Variants in SGCE observed in about 807,000 individuals in gnomAD.
SGCE encodes the protein sarcoglycan epsilon.
Under a neutral mutation model 57.8 loss-of-function variants are expected in SGCE, and 26 were observed. That is an observed-to-expected ratio of 0.45 (90% confidence interval 0.33 to 0.62). The LOEUF (loss-of-function observed/expected upper bound fraction) is 0.62. Among genes scored for constraint, SGCE ranks in the 20% least tolerant of loss-of-function variants. SGCE has a pLI of 0.02. For synonymous variants in SGCE, 183 were observed against 189.5 expected (o/e 0.97, Z 0.28); for missense variants, 468 against 548.6 (o/e 0.85, Z 1.47).
At chr7:94,614,060 C>G (rs1377726657) in intron 5 of SGCE, among the ~76,000 whole-genome samples, 1 of 138,188 alleles carries the variant, frequency 7.2e-6, no homozygotes, top group Admixed American at 7.8e-5. Flanking sequence ...TCTTGCAAGC[C>G]AGAGCACTGC....
intron 6 of SGCE, among the ~76,000 whole-genome samples, chr7:94,602,779 AT>A (rs1475119304): frequency 2.6e-5 from 4 of 152,154 alleles, no homozygotes; most frequent in African/African-American, 9.7e-5. Flanking sequence ...AAGAAATATT[AT>A]GTTTATGAAT....
intron 4 of SGCE, chr7:94,619,892 CT>C (rs1200537147): frequency 2.0e-5 from 3 of 152,206 alleles, no homozygotes; most frequent in Non-Finnish European, 2.9e-5. Flanking sequence ...CTAAAAGAGA[CT>C]GCATATATAA....
At position 94,628,298 on chromosome 7, in the gene SGCE, A is replaced by T. The variant is rs138616225; in HGVS notation, c.294T>A (p.Pro98=). The change falls in exon 3 of 11, where the codon CCT becomes CCA. Residue 98 remains proline, a synonymous_variant. Coordinates refer to ENST00000648936, the MANE Select transcript of SGCE (RefSeq NM_003919.3). ...TCCTTTGGATATATCGAAGCCATCCAGGTCGGTCTGGGTAACCCATTAAAT... is the reference window on the plus strand; with the variant it reads ...TCCTTTGGATATATCGAAGCCATCCTGGTCGGTCTGGGTAACCCATTAAAT... ...NTNLMGYPDR[P]GWLRYIQRTP... The T allele has an allele frequency of 3.7e-6, 6 of 1,611,910 alleles. No homozygotes were observed. Among genetic ancestry groups the T allele is most frequent in the Non-Finnish European group, 5.1e-6 (6 of 1,178,510 alleles).
intron 1 of SGCE, among the ~76,000 whole-genome samples, chr7:94,634,323 C>T (rs1805219693): frequency 6.6e-6 from 1 of 152,106 alleles, no homozygotes; most frequent in African/African-American, 2.4e-5. Flanking sequence ...ATAAGATCAT[C>T]ATTTTGTACA....
Position 94,648,337 on chromosome 7 carries a change from T to G in SGCE, c.109+7653A>C, listed in dbSNP as rs1807393440. On this transcript the variant is annotated intron_variant, in intron 1 of 10. Coordinates refer to ENST00000648936, the MANE Select transcript of SGCE (RefSeq NM_003919.3). ...TTGCAGTGAGCCAAGACCTCATCATTGTACTCCAGCCTGGGCAACAAGAAC... is the reference window on the plus strand; with the variant it reads ...TTGCAGTGAGCCAAGACCTCATCATGGTACTCCAGCCTGGGCAACAAGAAC... Among the ~76,000 whole-genome samples, 3 of 143,502 alleles carry G rather than the reference T, an allele frequency of 2.1e-5. No individual in the cohort carries two copies. The South Asian group carries it at 6.9e-4, about 33-fold the overall frequency. 94.1% of individuals were successfully genotyped at this position (143,502 alleles called of 152,430 possible). A position where few individuals can be genotyped will look rare whatever the true frequency, so the allele number is the denominator to read the frequency against.
chr7:94,639,469 G>A (rs1806076634), intron 1 of SGCE: 3 of 1,397,444 alleles, frequency 2.1e-6, no homozygotes, highest in Non-Finnish European at 2.9e-6. Flanking sequence ...TAAAACAAAT[G>A]TACAAAAAAA....
Position 94,605,017 on chromosome 7 carries a change from T to G in SGCE, c.663-1565A>C, listed in dbSNP as rs1274425312. 2.0e-5 allele frequency among the ~76,000 whole-genome samples: 3 copies of G among 151,470 alleles called. No homozygotes were observed. In the East Asian group the frequency reaches 5.8e-4, roughly 29 times the overall value. ...TCATAGAATTACAGAATTCTTCCCC[T>G]CCCACAACACCTGACCACCATATTA... On this transcript the variant is annotated intron_variant, in intron 5 of 10. Coordinates refer to ENST00000648936, the MANE Select transcript of SGCE (RefSeq NM_003919.3).
Position 94,618,630 on chromosome 7 carries a change from A to G in SGCE, c.662+128T>C. 4.0e-6 allele frequency: 3 copies of G among 748,754 alleles called. No individual in the cohort carries two copies. In the East Asian group the frequency reaches 8.0e-5, roughly 20 times the overall value. The allele number at this position is 748,754 out of a possible 1,614,324, so 46.4% of individuals were successfully genotyped here. On this transcript the variant is annotated intron_variant, in intron 5 of 10. Transcript: ENST00000648936. The stretch of plus-strand genomic sequence containing the variant: ...TATAGAAAATTACTAGTATGTTCAT[A>G]TCTTTACAATATCTATTTCTTATTA...
Position 94,585,468 on chromosome 7 carries a change from T to C in SGCE, c.*31A>G. ...ATGTAACTGCTATATTGTCTGATTATAAATTCATTGCTTCAGTCAGTTTTC... is the reference window on the plus strand; with the variant it reads ...ATGTAACTGCTATATTGTCTGATTACAAATTCATTGCTTCAGTCAGTTTTC... On this transcript the variant is annotated 3_prime_UTR_variant, in exon 11 of 11. Coordinates refer to ENST00000648936, the MANE Select transcript of SGCE (RefSeq NM_003919.3). 2 of 1,595,964 alleles carry C rather than the reference T, an allele frequency of 1.3e-6. No homozygotes were observed. Among genetic ancestry groups the C allele is most frequent in the Non-Finnish European group, 1.7e-6 (2 of 1,163,630 alleles).
intron 1 of SGCE, among the ~76,000 whole-genome samples, chr7:94,636,364 AT>A: frequency 6.6e-6 from 1 of 152,318 alleles, no homozygotes; most frequent in East Asian, 1.9e-4. Context: ...CTACCTGCAT[AT>A]GGCCTCTGCC....
rs145888064 is a variant in SGCE, at chr7:94,650,768, G to A, written c.109+5222C>T. On this transcript the variant is annotated intron_variant, in intron 1 of 10. Coordinates refer to ENST00000648936, the MANE Select transcript of SGCE (RefSeq NM_003919.3). ...AGCTGCAATGTTAGGAAGGCCTCAT[G>A]TTGAAATCTATCTGTACCTTTAACC... 3.7e-4 allele frequency among the ~76,000 whole-genome samples: 57 copies of A among 152,334 alleles called. No homozygotes were observed. The East Asian group carries it at 9.5e-3, about 25-fold the overall frequency.
chr7:94,642,426 G>T (rs1584754494), intron 1 of SGCE, among the ~76,000 whole-genome samples: 1 of 152,098 alleles, frequency 6.6e-6, no homozygotes, highest in African/African-American at 2.4e-5. Context: ...GCAACATGCT[G>T]GTTACATAGG....
In SGCE at chr7:94,585,453, T is replaced by C; in HGVS notation, c.*46A>G. The C allele has an allele frequency of 6.4e-7, 1 of 1,560,506 alleles. No homozygotes were observed. Among genetic ancestry groups the C allele is most frequent in the South Asian group, 1.1e-5 (1 of 89,846 alleles). On this transcript the variant is annotated 3_prime_UTR_variant, in exon 11 of 11. Transcript: ENST00000648936. The stretch of plus-strand genomic sequence containing the variant: ...GAGAAAAGAAATGTGATGTAACTGC[T>C]ATATTGTCTGATTATAAATTCATTG...
chr7:94,642,907 T>C (rs1806594751), intron 1 of SGCE, among the ~76,000 whole-genome samples: 1 of 152,172 alleles, frequency 6.6e-6, no homozygotes, highest in African/African-American at 2.4e-5. Flanking sequence ...CAAAACCAAA[T>C]CATCTATTAA....
intron 1 of SGCE, among the ~76,000 whole-genome samples, chr7:94,642,986 T>C (rs1367745535): frequency 2.0e-5 from 3 of 152,220 alleles, no homozygotes; most frequent in Admixed American, 2.0e-4. Flanking sequence ...AAGCAGACAC[T>C]CTATAGAACT....
intron 5 of SGCE, among the ~76,000 whole-genome samples, chr7:94,603,851 T>C (rs890983705): frequency 1.4e-4 from 22 of 152,148 alleles, no homozygotes; most frequent in African/African-American, 5.3e-4. Context: ...ACTACAATAA[T>C]AAATAACTAA....
intron 5 of SGCE, chr7:94,617,424 T>C (rs1802095245): frequency 6.6e-6 from 1 of 152,206 alleles, no homozygotes; most frequent in African/African-American, 2.4e-5. Flanking sequence ...TATTTGGTCA[T>C]TGTTTTAACA....
chr7:94,623,931 A>G (rs1803250460), intron 3 of SGCE: 1 of 369,612 alleles, frequency 2.7e-6, no homozygotes, highest in African/African-American at 2.1e-5. Context: ...AGTAAGGATC[A>G]TAGTCCATGA....
rs142983054 is a variant in SGCE, at chr7:94,601,321, G to A, written c.826-464C>T. 3.8e-3 allele frequency among the ~76,000 whole-genome samples: 569 copies of A among 151,460 alleles called. 8 individuals carry two copies. Among genetic ancestry groups the A allele is most frequent in the African/African-American group, 0.013 (541 of 41,246 alleles). On this transcript the variant is annotated intron_variant, in intron 6 of 10. Transcript: ENST00000648936. Reference sequence around the variant, plus strand: ...AAGAAAAAAGGAAAAAAAAAAGAGGGACAATTTCCAAACGTGTCGTCCTTG... The same window carrying A: ...AAGAAAAAAGGAAAAAAAAAAGAGGAACAATTTCCAAACGTGTCGTCCTTG...
Sources: gnomAD v4.1 joint callset for allele counts (sites outside exome capture counted in the v4.1 genomes callset) on GRCh38, gnomAD v4.1.1 for gene constraint, MANE v1.5 for transcripts, NCBI Gene and HGNC (gene_info 2026-07-23, HGNC 2026-07-21) for gene names.